SLC22A15: variants seen among roughly 807,000 people sequenced by gnomAD.
SLC22A15 encodes the protein flipt 1.
SLC22A15 carries 45 observed loss-of-function variants against 62.7 expected under a neutral mutation model. The observed-to-expected ratio is 0.72, with a 90% CI of 0.56 to 0.92. The LOEUF (loss-of-function observed/expected upper bound fraction) is 0.92, where lower values mean the gene tolerates loss of function less well. Among genes scored for constraint, SLC22A15 ranks in the 40% least tolerant of loss-of-function variants. The probability of loss-of-function intolerance (pLI) is 0.00; values close to 1 mark genes in which losing one functional copy is unlikely to be tolerated. For missense variants in SLC22A15, 622 were observed against 665.6 expected, an observed-to-expected ratio of 0.93 and a Z score of 0.72; for synonymous variants, 264 against 267.0, an observed-to-expected ratio of 0.99 and a Z score of 0.11.
chr1:116,051,233 CA>C (rs1175269787), intron 8 of SLC22A15, among the ~76,000 whole-genome samples: 1 of 151,936 alleles, frequency 6.6e-6, no homozygotes, highest in Non-Finnish European at 1.5e-5. Context: ...CATATGGAAC[CA>C]AAAAAGGGCC....
chr1:116,005,588 A>C (rs1434955229), intron 2 of SLC22A15, among the ~76,000 whole-genome samples: 1 of 152,142 alleles, frequency 6.6e-6, no homozygotes, highest in African/African-American at 2.4e-5. Context: ...CTAGCTCTTT[A>C]GTCTCCTAGA....
At position 116,000,767 on chromosome 1, in the gene SLC22A15, A is replaced by T. The variant is rs977209309; in HGVS notation, c.300+8524A>T. On this transcript the variant is annotated intron_variant, in intron 2 of 11. Transcript: ENST00000369503. ...TGCCTCAGGCTCCCGAGTAGCTGGGACTGCAGGCACCCGCCACCATGCCCA... is the reference window on the plus strand; with the variant it reads ...TGCCTCAGGCTCCCGAGTAGCTGGGTCTGCAGGCACCCGCCACCATGCCCA... Among the ~76,000 whole-genome samples, 144 of 150,888 alleles carry T rather than the reference A, an allele frequency of 9.5e-4. 1 individual carries two copies. Among genetic ancestry groups the T allele is most frequent in the Non-Finnish European group, 2.7e-4 (18 of 67,820 alleles).
At chr1:116,006,877 G>A (rs920264101) in intron 2 of SLC22A15, among the ~76,000 whole-genome samples, 3 of 151,468 alleles carry the variant, frequency 2.0e-5, no homozygotes, top group Non-Finnish European at 4.4e-5. Flanking sequence ...TTCTGCCTCT[G>A]TGTGCCTTTC....
chr1:116,016,376 AC>A (rs1480656241), intron 2 of SLC22A15, among the ~76,000 whole-genome samples: 4 of 149,422 alleles, frequency 2.7e-5, no homozygotes, highest in Admixed American at 1.3e-4. Flanking sequence ...ACAGGTGTGC[AC>A]CACCACACCC....
At chr1:116,055,483 G>A (rs1658176081) in intron 8 of SLC22A15, among the ~76,000 whole-genome samples, 1 of 149,214 alleles carries the variant, frequency 6.7e-6, no homozygotes, top group African/African-American at 2.5e-5. Context: ...GGTACAAGGA[G>A]GAACTGGTAC....
chr1:115,983,445 C>T (rs547338896), intron 1 of SLC22A15, among the ~76,000 whole-genome samples: 88 of 151,592 alleles, frequency 5.8e-4, no homozygotes, highest in African/African-American at 1.9e-3. Flanking sequence ...TGTGTGCACG[C>T]GCACATGTGT....
At position 116,011,916 on chromosome 1, in the gene SLC22A15, C is replaced by T. The variant is rs149352513; in HGVS notation, c.301-7666C>T. 4.8e-3 allele frequency among the ~76,000 whole-genome samples: 730 copies of T among 152,180 alleles called. 4 individuals are homozygous for T. The highest frequency in any genetic ancestry group is 5.5e-3 in the Non-Finnish European group (375 of 68,016). ...TTTCTTTGGGTAACCATACCCTTAC[C>T]TAGACTTCTGCACGACAGTGGTCCT... On this transcript the variant is annotated intron_variant, in intron 2 of 11. Coordinates refer to ENST00000369503, the MANE Select transcript of SLC22A15 (RefSeq NM_018420.3).
At chr1:115,991,181 T>C (rs916644310) in intron 1 of SLC22A15, among the ~76,000 whole-genome samples, 8 of 152,228 alleles carry the variant, frequency 5.3e-5, no homozygotes, top group Non-Finnish European at 1.2e-4. Flanking sequence ...TGGGAGTTAA[T>C]ACTAAAAATC....
intron 8 of SLC22A15, among the ~76,000 whole-genome samples, chr1:116,051,549 T>C (rs997410024): frequency 2.0e-5 from 3 of 152,180 alleles, no homozygotes; most frequent in African/African-American, 7.2e-5. Flanking sequence ...TTCTCACCTA[T>C]ACAAAAATCA....
chr1:116,036,130 C>T (rs1657621699), intron 7 of SLC22A15, among the ~76,000 whole-genome samples: 1 of 152,200 alleles, frequency 6.6e-6, no homozygotes, highest in Middle Eastern at 3.4e-3. Flanking sequence ...TCCCAGTTGC[C>T]TCTGCTGATC....
chr1:116,041,639 A>G (rs1304894666), intron 8 of SLC22A15, among the ~76,000 whole-genome samples: 1 of 152,192 alleles, frequency 6.6e-6, no homozygotes, highest in African/African-American at 2.4e-5. Flanking sequence ...TTCTTACTAA[A>G]TTGAAGAAAC....
intron 6 of SLC22A15, among the ~76,000 whole-genome samples, chr1:116,033,356 A>C (rs957468606): frequency 6.6e-6 from 1 of 152,164 alleles, no homozygotes; most frequent in African/African-American, 2.4e-5. Flanking sequence ...GTAATTATGG[A>C]TCCCAATGAC....
At chr1:115,996,050 A>G (rs1380233349) in intron 2 of SLC22A15, among the ~76,000 whole-genome samples, 2 of 152,066 alleles carry the variant, frequency 1.3e-5, no homozygotes, top group African/African-American at 2.4e-5. Context: ...CTTTCCTCCC[A>G]TCCCTTACCC....
intron 1 of SLC22A15, among the ~76,000 whole-genome samples, chr1:115,977,725 T>G (rs1431125952): frequency 6.6e-6 from 1 of 152,122 alleles, no homozygotes; most frequent in Non-Finnish European, 1.5e-5. Context: ...GTTAAGTAAT[T>G]TAGTTAGCAT....
At chr1:115,980,133 G>A (rs1473499679) in intron 1 of SLC22A15, among the ~76,000 whole-genome samples, 1 of 152,034 alleles carries the variant, frequency 6.6e-6, no homozygotes, top group East Asian at 1.9e-4. Flanking sequence ...GTCAACACAC[G>A]AAAAGATGTT....
At chr1:116,045,456 A>G (rs1204577552) in intron 8 of SLC22A15, among the ~76,000 whole-genome samples, 2 of 151,716 alleles carry the variant, frequency 1.3e-5, no homozygotes, top group Admixed American at 1.3e-4. Flanking sequence ...GACTTACAAT[A>G]GGCTGGGCAT....
chr1:115,992,738 C>T (rs1655216001), intron 2 of SLC22A15, among the ~76,000 whole-genome samples: 2 of 151,444 alleles, frequency 1.3e-5, no homozygotes, highest in African/African-American at 4.9e-5. Flanking sequence ...TTTCCTGCCT[C>T]AGCCTCCCGA....
At chr1:116,060,955 T>C (rs1313243255) in intron 8 of SLC22A15, among the ~76,000 whole-genome samples, 2 of 152,208 alleles carry the variant, frequency 1.3e-5, no homozygotes, top group Admixed American at 1.3e-4. Flanking sequence ...AAAGAAGATT[T>C]ATTTTATAGT....
At chr1:115,985,945 C>A (rs76417549) in intron 1 of SLC22A15, among the ~76,000 whole-genome samples, 487 of 114,108 alleles carry the variant, frequency 4.3e-3, no homozygotes, top group African/African-American at 0.012. Context: ...GACTCCATCT[C>A]AAAAAAAAAA....
Sources: allele counts gnomAD v4.1 joint callset (sites outside exome capture counted in the v4.1 genomes callset), GRCh38; gene constraint gnomAD v4.1.1; transcripts MANE v1.5; gene names NCBI Gene and HGNC (gene_info 2026-07-23, HGNC 2026-07-21).